The following CDH12 variants were observed in gnomAD, a reference collection of about 807,000 sequenced individuals.
CDH12 encodes cadherin-12.
In CDH12, 41 loss-of-function variants were observed where a neutral mutation model predicts 74.1. The observed-to-expected ratio is 0.55, with a 90% CI of 0.43 to 0.72. The LOEUF (loss-of-function observed/expected upper bound fraction) is 0.72. CDH12 is among the 30% of genes least tolerant of loss of function. The pLI, the probability that CDH12 is intolerant of heterozygous loss-of-function variation, is 0.00. For missense variants in CDH12, 945 were observed against 977.2 expected (o/e 0.97, Z 0.44); for synonymous variants, 399 against 355.0 (o/e 1.12, Z -1.39).
At chr5:22,588,737 A>T (rs1740535777) in intron 1 of CDH12, among the ~76,000 whole-genome samples, 1 of 152,116 alleles carries the variant, frequency 6.6e-6, no homozygotes, top group South Asian at 2.1e-4. Context: ...ATCTGCTGGT[A>T]CCTTACTCAC....
intron 3 of CDH12, among the ~76,000 whole-genome samples, chr5:22,242,764 A>G (rs1752795154): frequency 6.6e-6 from 1 of 152,116 alleles, no homozygotes; most frequent in African/African-American, 2.4e-5. Context: ...TACTAGCCTT[A>G]AGCTATTGTG....
rs547388836 is a variant in CDH12 at position 22,712,117 on chromosome 5, G to A, written c.-523+140941C>T. 2.0e-5 allele frequency among the ~76,000 whole-genome samples: 3 copies of A among 151,720 alleles called. No individual in the cohort carries two copies. In the East Asian group the frequency reaches 5.8e-4, roughly 29 times the overall value. ...TAAATGCTCAGTAAGTGGTGTTATAGGTATCGTTATACCTATAACATCATC... is the reference window on the plus strand; with the variant it reads ...TAAATGCTCAGTAAGTGGTGTTATAAGTATCGTTATACCTATAACATCATC... On this transcript the variant is annotated intron_variant, in intron 1 of 14. Coordinates refer to ENST00000382254, the MANE Select transcript of CDH12 (RefSeq NM_004061.5).
At chr5:21,885,537 A>T (rs182190169) in intron 6 of CDH12, among the ~76,000 whole-genome samples, 1 of 152,338 alleles carries the variant, frequency 6.6e-6, no homozygotes, top group Admixed American at 6.5e-5. Flanking sequence ...CAATTTGTAG[A>T]TAGCAAATCT....
At chr5:22,386,320 G>A (rs993711675) in intron 3 of CDH12, among the ~76,000 whole-genome samples, 1 of 152,100 alleles carries the variant, frequency 6.6e-6, no homozygotes, top group East Asian at 1.9e-4. Flanking sequence ...ATTACAATTC[G>A]ACATGAGATT....
chr5:22,283,123 A>AT (rs957303480), intron 3 of CDH12, among the ~76,000 whole-genome samples: 5 of 150,812 alleles, frequency 3.3e-5, no homozygotes, highest in Admixed American at 6.6e-5. Context: ...CACACAGAAT[A>AT]TTTGTCCATC....
intron 3 of CDH12, among the ~76,000 whole-genome samples, chr5:22,362,964 G>C (rs1740879783): frequency 6.7e-6 from 1 of 150,274 alleles, no homozygotes; most frequent in South Asian, 2.2e-4. Flanking sequence ...ATAGCATTAG[G>C]AGATACACCT....
At chr5:22,529,469 C>T (rs968293421) in intron 1 of CDH12, among the ~76,000 whole-genome samples, 2 of 151,950 alleles carry the variant, frequency 1.3e-5, no homozygotes, top group Non-Finnish European at 2.9e-5. Context: ...AAACAATGTC[C>T]CAGATCAAGG....
intron 1 of CDH12, among the ~76,000 whole-genome samples, chr5:22,713,830 A>T (rs534662636): frequency 6.6e-6 from 1 of 152,256 alleles, no homozygotes; most frequent in East Asian, 1.9e-4. Context: ...TTTAAAACTC[A>T]AACTTTCAAA....
intron 1 of CDH12, among the ~76,000 whole-genome samples, chr5:22,682,883 C>T (rs1741571132): frequency 6.6e-6 from 1 of 151,924 alleles, no homozygotes; most frequent in African/African-American, 2.4e-5. Flanking sequence ...TGCTATCTTC[C>T]AAAGTTAAGA....
intron 4 of CDH12, among the ~76,000 whole-genome samples, chr5:22,081,864 G>A (rs557740472): frequency 4.7e-4 from 72 of 152,304 alleles, no homozygotes; most frequent in African/African-American, 1.7e-3. Flanking sequence ...TCTGTTGATT[G>A]TGCTAGAATA....
rs182640431 is a variant in CDH12, at chr5:21,992,295, T to C, written c.232-16910A>G. Among the ~76,000 whole-genome samples, 385 of 152,316 alleles carry C rather than the reference T, an allele frequency of 2.5e-3. 3 individuals are homozygous for C. The highest frequency in any genetic ancestry group is 0.017 in the Middle Eastern group (5 of 294). ...ATGCTATAACTTGAACTTTGACTGC[T>C]TTTAGCAAGTATATACTATTGAATG... On this transcript the variant is annotated intron_variant, in intron 5 of 14. Coordinates refer to ENST00000382254, the MANE Select transcript of CDH12 (RefSeq NM_004061.5).
At chr5:22,753,080 A>C (rs1173307175) in intron 1 of CDH12, among the ~76,000 whole-genome samples, 1 of 152,144 alleles carries the variant, frequency 6.6e-6, no homozygotes, top group African/African-American at 2.4e-5. Flanking sequence ...GGCCAAGAGC[A>C]GACTGATGAG....
intron 1 of CDH12, among the ~76,000 whole-genome samples, chr5:22,792,172 T>C (rs1747947247): frequency 6.8e-6 from 1 of 147,674 alleles, no homozygotes; most frequent in East Asian, 2.1e-4. Context: ...CACTGTGACC[T>C]CCGCCTCCTG....
At chr5:22,791,942 C>T (rs1180837572) in intron 1 of CDH12, among the ~76,000 whole-genome samples, 2 of 152,168 alleles carry the variant, frequency 1.3e-5, no homozygotes, top group African/African-American at 2.4e-5. Context: ...CAAACCATAT[C>T]AGTAACATTT....
chr5:21,780,887 A>G (rs539122766), intron 11 of CDH12, among the ~76,000 whole-genome samples: 2 of 152,318 alleles, frequency 1.3e-5, no homozygotes, highest in East Asian at 1.9e-4. Context: ...ATGAATGAGG[A>G]AAACATATGT....
At chr5:21,845,112 C>G (rs930951459) in intron 7 of CDH12, among the ~76,000 whole-genome samples, 3 of 152,014 alleles carry the variant, frequency 2.0e-5, no homozygotes, top group South Asian at 4.2e-4. Context: ...TAACGGAAAG[C>G]TTGACTTATC....
At chr5:22,020,241 C>A (rs1737882017) in intron 5 of CDH12, among the ~76,000 whole-genome samples, 1 of 152,166 alleles carries the variant, frequency 6.6e-6, no homozygotes, top group Middle Eastern at 3.4e-3. Flanking sequence ...ATGAGTTTCT[C>A]ATAGTTTTGG....
At chr5:22,154,896 T>A (rs1747925244) in intron 4 of CDH12, among the ~76,000 whole-genome samples, 1 of 152,092 alleles carries the variant, frequency 6.6e-6, no homozygotes, top group Non-Finnish European at 1.5e-5. Flanking sequence ...GCTGGCCAAC[T>A]GCATCCTCAT....
intron 1 of CDH12, among the ~76,000 whole-genome samples, chr5:22,666,709 A>G (rs1051450680): frequency 6.6e-6 from 1 of 152,214 alleles, no homozygotes; most frequent in Non-Finnish European, 1.5e-5. Flanking sequence ...AATGTATTCA[A>G]CAAACGCCAC....
Sources: allele counts gnomAD v4.1 joint callset (sites outside exome capture counted in the v4.1 genomes callset), GRCh38; gene constraint gnomAD v4.1.1; transcripts MANE v1.5; gene names NCBI Gene and HGNC (gene_info 2026-07-23, HGNC 2026-07-21).